The following PGAP2 variants were observed in gnomAD, a reference collection of about 807,000 sequenced individuals.
PGAP2 encodes the protein acyltransferase PGAP2.
PGAP2 carries 21 observed loss-of-function variants against 33.2 expected under a neutral mutation model. That is an observed-to-expected ratio of 0.63 (90% CI 0.45 to 0.91). The LOEUF (loss-of-function observed/expected upper bound fraction) is 0.91. Ranked by LOEUF, PGAP2 falls within the 40% of genes least tolerant of loss-of-function variation. The probability of loss-of-function intolerance (pLI) is 0.00; values close to 1 mark genes in which losing one functional copy is unlikely to be tolerated. For missense variants in PGAP2, 345 were observed against 424.0 expected, an observed-to-expected ratio of 0.81 and a Z score of 1.64; for synonymous variants, 161 against 172.9, an observed-to-expected ratio of 0.93 and a Z score of 0.54.
At chr11:3,819,233 T>C (rs987622432) in intron 3 of PGAP2, among the ~76,000 whole-genome samples, 1 of 152,012 alleles carries the variant, frequency 6.6e-6, no homozygotes, top group Non-Finnish European at 1.5e-5. Context: ...TATATTTTTT[T>C]TGTAGAGATG....
At chr11:3,822,230 G>A (rs528182885) in intron 3 of PGAP2, among the ~76,000 whole-genome samples, 59 of 152,146 alleles carry the variant, frequency 3.9e-4, no homozygotes, top group African/African-American at 1.3e-3. Flanking sequence ...CGGGCGTGGT[G>A]ACGGGCGCCT....
chr11:3,817,902 T>A, intron 3 of PGAP2: 1 of 462,688 alleles, frequency 2.2e-6, no homozygotes, highest in Non-Finnish European at 4.3e-6. Flanking sequence ...AAAAATTAGC[T>A]GGGTGCCCTG....
intron 1 of PGAP2, chr11:3,798,146 A>C: frequency 7.0e-7 from 1 of 1,435,464 alleles, no homozygotes; most frequent in Non-Finnish European, 9.1e-7. Flanking sequence ...CAGGGCCCTA[A>C]ATCCTGACCC....
upstream of PGAP2, among the ~76,000 whole-genome samples, chr11:3,805,271 T>C (rs2084133823): frequency 6.7e-6 from 1 of 150,328 alleles, no homozygotes; most frequent in Admixed American, 6.6e-5. Context: ...TTTTTTTTTT[T>C]TTTTTTTTGA....
chr11:3,818,028 A>G (rs1271932534), intron 3 of PGAP2: 1 of 307,304 alleles, frequency 3.3e-6, no homozygotes, highest in Non-Finnish European at 6.4e-6. Context: ...CCTGGGTGAC[A>G]GGAGTAAAAC....
upstream of PGAP2, among the ~76,000 whole-genome samples, chr11:3,807,361 G>A: frequency 7.0e-6 from 1 of 143,050 alleles, no homozygotes; most frequent in Non-Finnish European, 1.5e-5. Flanking sequence ...ATGCTTGAGT[G>A]CAGTGGTACG....
In PGAP2 at chr11:3,811,259, G is replaced by T; in HGVS notation, c.-1G>T. On this transcript the variant is annotated 5_prime_UTR_variant, in exon 2 of 7. Transcript: ENST00000278243. The surrounding 1 kb of genome is among the most constrained non-coding windows in gnomAD (Gnocchi z 4.6). Reference sequence around the variant, plus strand: ...GCCACTCCATCCCCAGGTCTGACAAGATGTACCAGGTCCCACTACCACTGG... The same window carrying T: ...GCCACTCCATCCCCAGGTCTGACAATATGTACCAGGTCCCACTACCACTGG... 6.2e-7 allele frequency: 1 copy of T among 1,612,500 alleles called. No homozygotes were observed. Among genetic ancestry groups the T allele is most frequent in the Non-Finnish European group, 8.5e-7 (1 of 1,179,028 alleles).
At chr11:3,815,371 C>T (rs1442747447) in intron 2 of PGAP2, among the ~76,000 whole-genome samples, 3 of 151,460 alleles carry the variant, frequency 2.0e-5, no homozygotes, top group African/African-American at 7.3e-5. Context: ...TGCAATGGCA[C>T]GATCTCGGCT....
intron 1 of PGAP2, among the ~76,000 whole-genome samples, chr11:3,802,474 G>T (rs368492238): frequency 6.6e-6 from 1 of 152,144 alleles, no homozygotes; most frequent in African/African-American, 2.4e-5. Flanking sequence ...AACCCTTTTG[G>T]AGCCAAGCCC....
chr11:3,798,310 G>C (rs1055257409), intron 1 of PGAP2, among the ~76,000 whole-genome samples: 3 of 152,188 alleles, frequency 2.0e-5, no homozygotes, highest in Non-Finnish European at 4.4e-5. Flanking sequence ...CCAGCTGCAC[G>C]TGGAGAACCC....
chr11:3,802,698 T>C (rs374811886), intron 1 of PGAP2, among the ~76,000 whole-genome samples: 9 of 152,232 alleles, frequency 5.9e-5, no homozygotes, highest in African/African-American at 2.2e-4. Flanking sequence ...AGCAGCAGAA[T>C]TGGAGTCAGA....
chr11:3,823,141 G>A (rs2135004553), intron 3 of PGAP2: 1 of 532,638 alleles, frequency 1.9e-6, no homozygotes, highest in East Asian at 3.2e-5. Context: ...GGTTCACACA[G>A]TTCTTCTGAT....
At chr11:3,800,343 T>C (rs1302927236) in intron 1 of PGAP2, among the ~76,000 whole-genome samples, 3 of 152,202 alleles carry the variant, frequency 2.0e-5, no homozygotes, top group Admixed American at 6.6e-5. Context: ...GCAGGGCACA[T>C]AGTAGGTACA....
intron 3 of PGAP2, among the ~76,000 whole-genome samples, chr11:3,821,787 G>T (rs2088714523): frequency 6.6e-6 from 1 of 151,878 alleles, no homozygotes; most frequent in Admixed American, 6.6e-5. Context: ...TTCTGGCTTG[G>T]CGTGGTGGCT....
chr11:3,803,454 G>A (rs1386741774), intron 1 of PGAP2, among the ~76,000 whole-genome samples: 3 of 150,926 alleles, frequency 2.0e-5, no homozygotes, highest in Non-Finnish European at 2.9e-5. Flanking sequence ...TTGAGATGGA[G>A]TCTCACTCTG....
chr11:3,811,449 T>TG lies in PGAP2; in HGVS notation c.165+25_165+26insG. ...GGTAGGGCATGGGGACACTGATACC[T>TG]CATATTCAGGCCGATCTGGATCTTC... is the stretch of plus-strand genomic sequence containing the variant. On this transcript the variant is annotated intron_variant, in intron 2 of 6. Transcript: ENST00000278243. The surrounding 1 kb of genome is among the most constrained non-coding windows in gnomAD (Gnocchi z 4.6). 6.3e-7 allele frequency: 1 copy of TG among 1,598,540 alleles called. No homozygotes were observed. The highest frequency in any genetic ancestry group is 1.1e-5 in the South Asian group (1 of 90,188).
intron 5 of PGAP2, chr11:3,824,755 TG>T (rs1217512427): frequency 7.2e-7 from 1 of 1,382,600 alleles, no homozygotes; most frequent in Non-Finnish European, 9.5e-7. Context: ...GTGGGGTTGG[TG>T]GGTGACTCCA....
chr11:3,817,842 G>A (rs1459604657), intron 3 of PGAP2: 7 of 533,224 alleles, frequency 1.3e-5, no homozygotes, highest in East Asian at 9.5e-5. Flanking sequence ...AGTTCAGTTC[G>A]AGACCAGCCT....
At chr11:3,817,208 T>G (rs1031840134) in intron 2 of PGAP2, 145 bp from the exon 3 acceptor site, 1 of 681,438 alleles carries the variant, frequency 1.5e-6, no homozygotes. Flanking sequence ...TCCTCTGCAC[T>G]GTCTTCCTTT....
Sources: allele counts gnomAD v4.1 joint callset (sites outside exome capture counted in the v4.1 genomes callset), GRCh38; gene constraint gnomAD v4.1.1; non-coding constraint Gnocchi (gnomAD v3.1); transcripts MANE v1.5; gene names NCBI Gene and HGNC (gene_info 2026-07-23, HGNC 2026-07-21).